RGS6: variants seen among roughly 807,000 people sequenced by gnomAD.
RGS6 encodes regulator of G-protein signaling 6.
A neutral mutation model predicts 78.5 loss-of-function variants in RGS6; 30 were observed. The observed-to-expected ratio is 0.38, with a 90% CI of 0.29 to 0.52. The LOEUF (loss-of-function observed/expected upper bound fraction) is 0.52, where lower values mean the gene tolerates loss of function less well. RGS6 is among the 20% of genes least tolerant of loss of function. The pLI, the probability that RGS6 is intolerant of heterozygous loss-of-function variation, is 0.85. For synonymous variants in RGS6, 206 were observed against 206.0 expected (o/e 1.00, Z 0.00); for missense variants, 495 against 609.7 (o/e 0.81, Z 1.98).
intron 1 of RGS6, among the ~76,000 whole-genome samples, chr14:71,960,293 T>G (rs545574544): frequency 1.4e-4 from 22 of 152,212 alleles, no homozygotes; most frequent in Non-Finnish European, 2.6e-4. Flanking sequence ...AAATTGCTTA[T>G]GAATTCCAGA....
At chr14:72,553,887 G>T (rs752428528) in intron 17 of RGS6, among the ~76,000 whole-genome samples, 71 of 152,178 alleles carry the variant, frequency 4.7e-4, no homozygotes, top group Non-Finnish European at 6.8e-4. Flanking sequence ...CTGGGAAACC[G>T]CCCATCCTCT....
rs568186741 is a variant in RGS6, at chr14:72,019,325, T to G, written c.84+54450T>G. On this transcript the variant is annotated intron_variant, in intron 2 of 17. Coordinates refer to ENST00000553525, the MANE Select transcript of RGS6 (RefSeq NM_001204424.2). ...GTCAACACTATTTTCCATCTAACAC[T>G]CCTAATATATTTTTACACATTAGTC... Among the ~76,000 whole-genome samples, 4 of 152,314 alleles carry G rather than the reference T, an allele frequency of 2.6e-5. No homozygotes were observed. The East Asian group carries it at 7.7e-4, about 29-fold the overall frequency.
At chr14:72,528,234 G>C (rs1215864834) in intron 15 of RGS6, among the ~76,000 whole-genome samples, 3 of 152,232 alleles carry the variant, frequency 2.0e-5, no homozygotes, top group Non-Finnish European at 2.9e-5. Context: ...GTGTGGTTTT[G>C]AGACAGTTTG....
chr14:72,595,273 C>A, the RGS6 span: 1 of 152,232 alleles, frequency 6.6e-6, no homozygotes, highest in African/African-American at 2.4e-5. Context: ...GTCACTGGAA[C>A]TAAATACACC....
chr14:72,583,510 C>G, the RGS6 span, among the ~76,000 whole-genome samples: 2 of 152,186 alleles, frequency 1.3e-5, no homozygotes, highest in African/African-American at 4.8e-5. Flanking sequence ...TTTGTCCACT[C>G]TCCCAGAGTG....
intron 8 of RGS6, among the ~76,000 whole-genome samples, chr14:72,470,938 G>GA (rs1299203592): frequency 1.3e-5 from 2 of 150,754 alleles, no homozygotes; most frequent in African/African-American, 4.9e-5. Flanking sequence ...GGCCCCAGGT[G>GA]AAAATTAAAT....
rs1458360847 is a variant in RGS6, at chr14:71,995,124, A to C, written c.84+30249A>C. Among the ~76,000 whole-genome samples the C allele has an allele frequency of 7.2e-5, 11 of 152,270 alleles. No homozygotes were observed. In the East Asian group the frequency reaches 2.1e-3, roughly 29 times the overall value. ...GCAACTCAGCATGTCAAAACTGAAC[A>C]TCTTTCCTCTCCAAACCCCTTTTCC... On this transcript the variant is annotated intron_variant, in intron 2 of 17. Coordinates refer to ENST00000553525, the MANE Select transcript of RGS6 (RefSeq NM_001204424.2).
chr14:72,404,843 T>C (rs968110986), intron 3 of RGS6, among the ~76,000 whole-genome samples: 4 of 152,058 alleles, frequency 2.6e-5, no homozygotes, highest in African/African-American at 9.7e-5. Context: ...AAGTGCTGGC[T>C]TAGGTGGTGG....
intron 2 of RGS6, among the ~76,000 whole-genome samples, chr14:72,082,899 T>C (rs890610907): frequency 6.6e-6 from 1 of 152,116 alleles, no homozygotes; most frequent in Non-Finnish European, 1.5e-5. Flanking sequence ...CCAACTCAAA[T>C]TGGCTTAAAG....
intron 2 of RGS6, among the ~76,000 whole-genome samples, chr14:72,120,217 T>A (rs2096012326): frequency 6.6e-6 from 1 of 152,220 alleles, no homozygotes; most frequent in Non-Finnish European, 1.5e-5. Context: ...AATGATAGAT[T>A]CTTTGAGCTA....
chr14:72,306,139 A>G (rs896209043), intron 2 of RGS6, among the ~76,000 whole-genome samples: 1 of 152,108 alleles, frequency 6.6e-6, no homozygotes, highest in Non-Finnish European at 1.5e-5. Flanking sequence ...CGCTAAATCT[A>G]CTCTGCCTGT....
chr14:72,221,363 GT>G (rs2046827799), intron 2 of RGS6, among the ~76,000 whole-genome samples: 1 of 152,086 alleles, frequency 6.6e-6, no homozygotes. Context: ...ATATCTAGGG[GT>G]GGCCGTGGGA....
chr14:72,009,726 T>G (rs190821011), intron 2 of RGS6, among the ~76,000 whole-genome samples: 62 of 152,336 alleles, frequency 4.1e-4, no homozygotes, highest in African/African-American at 1.4e-3. Flanking sequence ...ATATTTGTTA[T>G]GTTGAGGCAC....
intron 3 of RGS6, among the ~76,000 whole-genome samples, chr14:72,442,455 CCTGT>C (rs1303120082): frequency 2.0e-5 from 3 of 152,184 alleles, no homozygotes; most frequent in Non-Finnish European, 4.4e-5. Context: ...GAATTACTCC[CCTGT>C]CTGTGTCCCC....
intron 2 of RGS6, among the ~76,000 whole-genome samples, chr14:72,251,575 T>G (rs1032690394): frequency 2.4e-4 from 37 of 152,202 alleles, no homozygotes. Flanking sequence ...ACAACAGGCC[T>G]GTCCAGAGAT....
intron 2 of RGS6, among the ~76,000 whole-genome samples, chr14:72,245,044 T>A (rs575588933): frequency 5.4e-4 from 83 of 152,320 alleles, no homozygotes; most frequent in Middle Eastern, 3.4e-3. Flanking sequence ...AGGCTAGTCT[T>A]GTTTTTATTA....
chr14:71,993,590 G>A (rs775242830), intron 2 of RGS6, among the ~76,000 whole-genome samples: 6 of 152,098 alleles, frequency 3.9e-5, no homozygotes, highest in Non-Finnish European at 7.4e-5. Context: ...GGCTTGCTCT[G>A]GCTTATACAG....
chr14:72,555,238 T>TAACA (rs1282259117), intron 17 of RGS6, among the ~76,000 whole-genome samples: 1 of 152,136 alleles, frequency 6.6e-6, no homozygotes. Flanking sequence ...TCAGCATCAG[T>TAACA]AACACAGGGC....
At chr14:72,316,694 G>T (rs992602483) in intron 2 of RGS6, among the ~76,000 whole-genome samples, 9 of 152,216 alleles carry the variant, frequency 5.9e-5, no homozygotes, top group South Asian at 4.1e-4. Context: ...AGATTCCCTA[G>T]CCCTAGGCTG....
Sources: allele counts gnomAD v4.1 joint callset (sites outside exome capture counted in the v4.1 genomes callset), GRCh38; gene constraint gnomAD v4.1.1; transcripts MANE v1.5; gene names NCBI Gene and HGNC (gene_info 2026-07-23, HGNC 2026-07-21).